The following XYLT1 variants were observed in gnomAD, a reference collection of about 807,000 sequenced individuals.
XYLT1 encodes the protein beta-D-xylosyltransferase 1.
In XYLT1, 36 loss-of-function variants were observed where a neutral mutation model predicts 91.3. The ratio of observed to expected loss-of-function variants is 0.39; its 90% CI spans 0.30 to 0.52. The LOEUF (loss-of-function observed/expected upper bound fraction) is 0.52, where lower values mean the gene tolerates loss of function less well. XYLT1 is among the 20% of genes least tolerant of loss of function. The probability of loss-of-function intolerance (pLI) is 0.68; values close to 1 mark genes in which losing one functional copy is unlikely to be tolerated. For synonymous variants in XYLT1, 588 were observed against 532.0 expected, an observed-to-expected ratio of 1.11 and a Z score of -1.45; for missense variants, 1,242 against 1,284.5, an observed-to-expected ratio of 0.97 and a Z score of 0.51.
chr16:17,156,383 T>C (rs1484710196), intron 6 of XYLT1, among the ~76,000 whole-genome samples: 1 of 152,252 alleles, frequency 6.6e-6, no homozygotes, highest in Non-Finnish European at 1.5e-5. Flanking sequence ...ACAAATCACC[T>C]ATTAGCTGCT....
At chr16:17,278,596 C>T (rs1360427672) in intron 2 of XYLT1, among the ~76,000 whole-genome samples, 1 of 152,154 alleles carries the variant, frequency 6.6e-6, no homozygotes, top group Non-Finnish European at 1.5e-5. Flanking sequence ...TCATGGAGCT[C>T]CACTTCATCA....
At chr16:17,336,311 C>T (rs907686527) in intron 2 of XYLT1, among the ~76,000 whole-genome samples, 2 of 152,230 alleles carry the variant, frequency 1.3e-5, no homozygotes, top group Non-Finnish European at 1.5e-5. Context: ...GCCCCCACGG[C>T]GGTTCCCCAG....
chr16:17,347,570 C>T lies in XYLT1; in HGVS notation c.402+10442G>A, dbSNP rs80316608. Among the ~76,000 whole-genome samples, 1,378 of 152,236 alleles carry T rather than the reference C, an allele frequency of 9.1e-3. 11 individuals are homozygous for T. Among genetic ancestry groups the T allele is most frequent in the Non-Finnish European group, 0.013 (868 of 68,020 alleles). On this transcript the variant is annotated intron_variant, in intron 2 of 11. Transcript: ENST00000261381. The stretch of plus-strand genomic sequence containing the variant: ...TGATCTTCTCTCTAAAAAAAGAGCT[C>T]GTACAATCCACCGTTGGGCATTCAG...
intron 1 of XYLT1, among the ~76,000 whole-genome samples, chr16:17,409,294 A>G (rs576236033): frequency 6.6e-6 from 1 of 152,308 alleles, no homozygotes; most frequent in East Asian, 1.9e-4. Context: ...AACTGAAATA[A>G]ACACATTAGA....
At chr16:17,224,132 G>C (rs774672146) in intron 3 of XYLT1, among the ~76,000 whole-genome samples, 44 of 152,154 alleles carry the variant, frequency 2.9e-4, no homozygotes, top group Non-Finnish European at 1.5e-4. Context: ...ACTGAAGAAG[G>C]TAACCTGACA....
intron 2 of XYLT1, among the ~76,000 whole-genome samples, chr16:17,280,392 T>G (rs1197339874): frequency 2.6e-5 from 4 of 152,214 alleles, no homozygotes; most frequent in Non-Finnish European, 5.9e-5. Flanking sequence ...TTCTGAAGAA[T>G]GGAGGTGGTC....
intron 2 of XYLT1, among the ~76,000 whole-genome samples, chr16:17,263,354 A>G (rs2033751570): frequency 6.6e-6 from 1 of 152,036 alleles, no homozygotes; most frequent in Admixed American, 6.6e-5. Context: ...TAATATCAGG[A>G]AGAGGCACCA....
chr16:17,205,976 G>A (rs897492784), intron 3 of XYLT1, among the ~76,000 whole-genome samples: 3 of 152,138 alleles, frequency 2.0e-5, no homozygotes, highest in African/African-American at 4.8e-5. Flanking sequence ...TGCAAATGAG[G>A]CTTGGGTTAG....
chr16:17,275,096 G>T (rs1462134690), intron 2 of XYLT1, among the ~76,000 whole-genome samples: 1 of 152,104 alleles, frequency 6.6e-6, no homozygotes, highest in African/African-American at 2.4e-5. Context: ...AAAAACGCTT[G>T]GACCTGGGAG....
At chr16:17,340,321 G>A (rs2035048036) in intron 2 of XYLT1, among the ~76,000 whole-genome samples, 1 of 152,220 alleles carries the variant, frequency 6.6e-6, no homozygotes, top group East Asian at 1.9e-4. Context: ...ATGGCCGTGG[G>A]CATGTCACAG....
chr16:17,445,554 G>A (rs1014274836), intron 1 of XYLT1, among the ~76,000 whole-genome samples: 4 of 152,214 alleles, frequency 2.6e-5, no homozygotes, highest in Non-Finnish European at 5.9e-5. Flanking sequence ...CCTGGGCTGC[G>A]TGGAGGCCTG....
intron 6 of XYLT1, among the ~76,000 whole-genome samples, chr16:17,145,764 G>A (rs2031114528): frequency 6.6e-6 from 1 of 152,192 alleles, no homozygotes; most frequent in Non-Finnish European, 1.5e-5. Flanking sequence ...TGATGTGTGG[G>A]GAGGTTCTTA....
chr16:17,106,265 C>T lies in XYLT1; in HGVS notation c.*2430G>A, dbSNP rs1355471893. On this transcript the variant is annotated 3_prime_UTR_variant, in exon 12 of 12. Coordinates refer to ENST00000261381, the MANE Select transcript of XYLT1 (RefSeq NM_022166.4). ...GCCACTGCAAATAACGCTGCGAACA[C>T]AAAGCACTGGTGGCCCAGCAAGGAG... 1 of 152,226 alleles carries T rather than the reference C, an allele frequency of 6.6e-6. No individual in the cohort carries two copies. The highest frequency in any genetic ancestry group is 1.9e-4 in the East Asian group (1 of 5,174). 9.4% of individuals were successfully genotyped at this position (152,226 alleles called of 1,614,324 possible). A position where few individuals can be genotyped will look rare whatever the true frequency, so the allele number is the denominator to read the frequency against.
intron 3 of XYLT1, among the ~76,000 whole-genome samples, chr16:17,240,229 A>AG (rs2033324967): frequency 6.6e-6 from 1 of 152,228 alleles, no homozygotes; most frequent in African/African-American, 2.4e-5. Context: ...CTTCAGCTAC[A>AG]GTCTGCTTTC....
intron 3 of XYLT1, among the ~76,000 whole-genome samples, chr16:17,245,785 T>G (rs1161216904): frequency 6.6e-6 from 1 of 152,098 alleles, no homozygotes; most frequent in Non-Finnish European, 1.5e-5. Context: ...CAATGAAAAA[T>G]TATTGCTTTG....
chr16:17,252,522 T>C (rs2033557656), intron 3 of XYLT1, among the ~76,000 whole-genome samples: 2 of 152,240 alleles, frequency 1.3e-5, no homozygotes, highest in South Asian at 2.1e-4. Context: ...CTCTGCACGG[T>C]TGCCAGTGGA....
chr16:17,126,764 A>G (rs762561802), intron 10 of XYLT1, among the ~76,000 whole-genome samples: 1 of 152,206 alleles, frequency 6.6e-6, no homozygotes, highest in Non-Finnish European at 1.5e-5. Flanking sequence ...TGTGAATAAC[A>G]CGCACCAGGC....
At chr16:17,402,743 C>CTTTTTT (rs368996011) in intron 1 of XYLT1, among the ~76,000 whole-genome samples, 1 of 136,324 alleles carries the variant, frequency 7.3e-6, no homozygotes, top group Non-Finnish European at 1.6e-5. Flanking sequence ...TTTTTCTTTT[C>CTTTTTT]TTTTTTTTTT....
chr16:17,410,513 G>A (rs1041631888), intron 1 of XYLT1, among the ~76,000 whole-genome samples: 6 of 151,996 alleles, frequency 3.9e-5, no homozygotes, highest in African/African-American at 9.7e-5. Context: ...CGAGAACAGC[G>A]CAGGAAAGAC....
Sources: allele counts gnomAD v4.1 joint callset (sites outside exome capture counted in the v4.1 genomes callset), GRCh38; gene constraint gnomAD v4.1.1; transcripts MANE v1.5; gene names NCBI Gene and HGNC (gene_info 2026-07-23, HGNC 2026-07-21).